Variants in FYN observed in about 807,000 individuals in gnomAD.
The protein encoded by FYN is FYN proto-oncogene, Src family tyrosine kinase, also known as tyrosine-protein kinase Fyn.
A neutral mutation model predicts 70.2 loss-of-function variants in FYN; 10 were observed. The observed-to-expected ratio is 0.14, with a 90% confidence interval of 0.09 to 0.24. FYN has a LOEUF of 0.24. Among genes scored for constraint, FYN ranks in the 10% least tolerant of loss-of-function variants. FYN has a pLI of 1.00. For synonymous variants in FYN, 236 were observed against 248.6 expected (o/e 0.95, Z 0.48); for missense variants, 319 against 673.1 (o/e 0.47, Z 5.82).
chr6:111,768,057 A>C (rs1416971230), intron 3 of FYN, among the ~76,000 whole-genome samples: 2 of 152,186 alleles, frequency 1.3e-5, no homozygotes, highest in African/African-American at 4.8e-5. Flanking sequence ...AACACAGCCT[A>C]TCTCTTCTAC....
At chr6:111,750,033 T>C (rs1460039163) in intron 3 of FYN, among the ~76,000 whole-genome samples, 1 of 152,148 alleles carries the variant, frequency 6.6e-6, no homozygotes, top group African/African-American at 2.4e-5. Flanking sequence ...GATCCAAGAG[T>C]GACAGCATGT....
intron 2 of FYN, among the ~76,000 whole-genome samples, chr6:111,825,820 A>C (rs1772818207): frequency 6.6e-6 from 1 of 152,166 alleles, no homozygotes; most frequent in Non-Finnish European, 1.5e-5. Flanking sequence ...AGGGAAAAAG[A>C]GGGACTTAAA....
chr6:111,839,028 C>T (rs1773273546), intron 2 of FYN, among the ~76,000 whole-genome samples: 1 of 152,316 alleles, frequency 6.6e-6, no homozygotes. Context: ...GACTCTATAA[C>T]TCATTCTTTT....
chr6:111,844,438 G>C (rs142028788), intron 2 of FYN, among the ~76,000 whole-genome samples: 2 of 152,260 alleles, frequency 1.3e-5, no homozygotes, highest in African/African-American at 4.8e-5. Context: ...CAGACAAAAA[G>C]AAAAGTTGAT....
chr6:111,699,716 A>G lies in FYN; in HGVS notation c.862+388T>C, dbSNP rs1355348163. 3 of 1,543,996 alleles carry G rather than the reference A, an allele frequency of 1.9e-6. No homozygotes were observed. The Admixed American group carries it at 5.4e-5, about 28-fold the overall frequency. On this transcript the variant is annotated intron_variant, in intron 9 of 13. Transcript: ENST00000354650. ...AAAGAAAACACAGTCCTTATAATCC[A>G]TAATTATGCATGCACTAGGAAAGAT...
chr6:111,757,314 T>G (rs969281337), intron 3 of FYN, among the ~76,000 whole-genome samples: 14 of 152,080 alleles, frequency 9.2e-5, no homozygotes, highest in Non-Finnish European at 5.9e-5. Context: ...ATAAAAAAAT[T>G]TAAGACAAAC....
chr6:111,699,830 C>G, intron 9 of FYN: 1 of 743,728 alleles, frequency 1.3e-6, no homozygotes, highest in Non-Finnish European at 2.1e-6. Flanking sequence ...CTGGAACATT[C>G]CTTGGACCAT....
chr6:111,871,739 G>C (rs1193032961), intron 1 of FYN, among the ~76,000 whole-genome samples: 1 of 152,190 alleles, frequency 6.6e-6, no homozygotes, highest in African/African-American at 2.4e-5. Context: ...GTTCCCAAAA[G>C]GACAGGGGAA....
At chr6:111,717,467 T>A (rs1800706107) in intron 4 of FYN, among the ~76,000 whole-genome samples, 1 of 152,186 alleles carries the variant, frequency 6.6e-6, no homozygotes, top group South Asian at 2.1e-4. Context: ...CCCACTTTTT[T>A]TTTTTTCTTT....
Position 111,694,326 on chromosome 6 carries a change from G to A in FYN, c.1273+49C>T. 6.2e-7 allele frequency: 1 copy of A among 1,602,052 alleles called. No homozygotes were observed. Among genetic ancestry groups the A allele is most frequent in the Non-Finnish European group, 8.5e-7 (1 of 1,170,304 alleles). ...AGGAAGGAAGGGCTGTGCAGTAAGT[G>A]ACTGTTCTCACAGCTGTGATCACGA... On this transcript the variant is annotated intron_variant, in intron 12 of 13. Transcript: ENST00000354650. The surrounding 1 kb of genome is among the most constrained non-coding windows in gnomAD (Gnocchi z 5.0).
At chr6:111,849,691 G>GA (rs778929893) in intron 1 of FYN, among the ~76,000 whole-genome samples, 1 of 152,190 alleles carries the variant, frequency 6.6e-6, no homozygotes, top group Admixed American at 6.5e-5. Flanking sequence ...TCTATCCCAG[G>GA]AAAGGGCCGA....
At chr6:111,746,055 T>C (rs1223400830) in intron 3 of FYN, among the ~76,000 whole-genome samples, 3 of 152,346 alleles carry the variant, frequency 2.0e-5, no homozygotes, top group Middle Eastern at 6.8e-3. Flanking sequence ...AAGATGGTGA[T>C]AGTGATACCT....
At chr6:111,705,384 C>CTT (rs879920621) in intron 6 of FYN, among the ~76,000 whole-genome samples, 28 of 138,160 alleles carry the variant, frequency 2.0e-4, no homozygotes, top group African/African-American at 4.6e-4. Context: ...TCTTCTTCTT[C>CTT]TTTTTTTTTT....
At chr6:111,863,802 C>T (rs532503160) in intron 1 of FYN, among the ~76,000 whole-genome samples, 2 of 152,150 alleles carry the variant, frequency 1.3e-5, no homozygotes, top group South Asian at 2.1e-4. Context: ...TCTTTCTGTG[C>T]GGATTTATGA....
At chr6:111,870,512 G>A (rs1268513723) in intron 1 of FYN, among the ~76,000 whole-genome samples, 1 of 152,178 alleles carries the variant, frequency 6.6e-6, no homozygotes, top group Non-Finnish European at 1.5e-5. Flanking sequence ...ACTCACATTT[G>A]TTTAATGTTA....
chr6:111,749,968 A>C (rs1186034469), intron 3 of FYN, among the ~76,000 whole-genome samples: 1 of 152,024 alleles, frequency 6.6e-6, no homozygotes, highest in East Asian at 1.9e-4. Flanking sequence ...TTGCATCCCC[A>C]CATCTGTAGA....
rs550905720 is a variant in FYN, at chr6:111,699,757, C to T, written c.862+347G>A. The T allele has an allele frequency of 1.4e-5, 18 of 1,272,066 alleles. No homozygotes were observed. The East Asian group carries it at 1.9e-4, about 13-fold the overall frequency. The allele number at this position is 1,272,066 out of a possible 1,614,324, so 78.8% of individuals were successfully genotyped here. ...TAGGAAAGATGGAAGGTGACTTGCC[C>T]GTTAGGATGACACTCAACAAATATT... On this transcript the variant is annotated intron_variant, in intron 9 of 13. Coordinates refer to ENST00000354650, the MANE Select transcript of FYN (RefSeq NM_002037.5).
chr6:111,665,874 C>T (rs1179260131), intron 13 of FYN, among the ~76,000 whole-genome samples: 3 of 152,044 alleles, frequency 2.0e-5, no homozygotes, highest in African/African-American at 4.8e-5. Context: ...CTGCCCACCT[C>T]GGCCTCCCAA....
chr6:111,666,495 C>G (rs1798013887), intron 13 of FYN, among the ~76,000 whole-genome samples: 1 of 152,202 alleles, frequency 6.6e-6, no homozygotes, highest in African/African-American at 2.4e-5. Context: ...TCTGCTGTCT[C>G]TCTAGAATTG....
Sources: gnomAD v4.1 joint callset for allele counts (sites outside exome capture counted in the v4.1 genomes callset) on GRCh38, gnomAD v4.1.1 for gene constraint, Gnocchi (gnomAD v3.1) non-coding constraint, MANE v1.5 for transcripts, NCBI Gene and HGNC (gene_info 2026-07-23, HGNC 2026-07-21) for gene names.